KCNN2: variants seen among roughly 807,000 people sequenced by gnomAD.
KCNN2 encodes small conductance calcium-activated potassium channel protein 2.
Under a neutral mutation model 55.5 loss-of-function variants are expected in KCNN2, and 24 were observed. The observed-to-expected ratio is 0.43, with a 90% CI of 0.31 to 0.61. The LOEUF (loss-of-function observed/expected upper bound fraction) is 0.61. KCNN2 is among the 20% of genes least tolerant of loss of function. The pLI, the probability that KCNN2 is intolerant of heterozygous loss-of-function variation, is 0.08. For missense variants in KCNN2, 754 were observed against 853.6 expected, an observed-to-expected ratio of 0.88 and a Z score of 1.45; for synonymous variants, 431 against 336.1, an observed-to-expected ratio of 1.28 and a Z score of -3.09.
intron 3 of KCNN2, among the ~76,000 whole-genome samples, chr5:114,417,270 C>T (rs1418452136): frequency 6.6e-6 from 1 of 152,290 alleles, no homozygotes; most frequent in East Asian, 1.9e-4. Context: ...CTTAGAATTT[C>T]TGGCTTACTA....
At chr5:114,387,104 C>T (rs1204638465) in intron 2 of KCNN2, among the ~76,000 whole-genome samples, 1 of 152,024 alleles carries the variant, frequency 6.6e-6, no homozygotes, top group Non-Finnish European at 1.5e-5. Flanking sequence ...TTTCTTTAAT[C>T]AAGATACAGC....
intron 1 of KCNN2, among the ~76,000 whole-genome samples, chr5:114,200,430 T>C (rs955795957): frequency 2.6e-5 from 4 of 152,114 alleles, no homozygotes; most frequent in Non-Finnish European, 2.9e-5. Context: ...ATTTTCCTAA[T>C]TTCTTTATAT....
intron 1 of KCNN2, among the ~76,000 whole-genome samples, chr5:114,146,417 G>A (rs1337338881): frequency 1.3e-5 from 2 of 152,108 alleles, no homozygotes; most frequent in Non-Finnish European, 2.9e-5. Context: ...ATTTTTAAAA[G>A]CTTTACTGCA....
intron 1 of KCNN2, among the ~76,000 whole-genome samples, chr5:114,187,956 A>G (rs1753373683): frequency 6.6e-6 from 1 of 151,924 alleles, no homozygotes; most frequent in Non-Finnish European, 1.5e-5. Flanking sequence ...CTGGGATTAC[A>G]GGTACTCACC....
At chr5:114,240,729 C>T (rs1466014646) in intron 2 of KCNN2, among the ~76,000 whole-genome samples, 1 of 152,062 alleles carries the variant, frequency 6.6e-6, no homozygotes, top group African/African-American at 2.4e-5. Context: ...TGTGCCCGGC[C>T]TCAAATTATT....
chr5:114,064,420 A>ATCTCCCCCCACTTTGAATCTC (rs1750396846), intron 1 of KCNN2, among the ~76,000 whole-genome samples: 7 of 152,186 alleles, frequency 4.6e-5, no homozygotes, highest in Admixed American at 4.6e-4. Flanking sequence ...TAGAGGGAGA[A>ATCTCCCCCCACTTTGAATCTC]CCATTCAAAG....
chr5:114,412,310 A>G (rs1206739570), intron 3 of KCNN2, among the ~76,000 whole-genome samples: 2 of 152,232 alleles, frequency 1.3e-5, no homozygotes, highest in Admixed American at 1.3e-4. Flanking sequence ...TAGTAAATTA[A>G]TTTAGCATTG....
At chr5:114,142,757 G>C (rs1353057593) in intron 1 of KCNN2, among the ~76,000 whole-genome samples, 1 of 152,166 alleles carries the variant, frequency 6.6e-6, no homozygotes, top group Non-Finnish European at 1.5e-5. Flanking sequence ...TCATACATAG[G>C]AAGAATCAAT....
chr5:114,467,307 T>C (rs1761498857), intron 4 of KCNN2, among the ~76,000 whole-genome samples: 1 of 152,232 alleles, frequency 6.6e-6, no homozygotes, highest in Admixed American at 6.5e-5. Flanking sequence ...TCTGTTTCCA[T>C]TTGAGGATTT....
intron 1 of KCNN2, among the ~76,000 whole-genome samples, chr5:114,146,735 A>T (rs1752405234): frequency 6.6e-6 from 1 of 152,146 alleles, no homozygotes; most frequent in African/African-American, 2.4e-5. Flanking sequence ...AACTCAGAGA[A>T]TATTTATGTT....
intron 2 of KCNN2, among the ~76,000 whole-genome samples, chr5:114,234,076 T>A (rs1754422100): frequency 6.6e-6 from 1 of 152,150 alleles, no homozygotes. Flanking sequence ...TTTGATTTTT[T>A]CCTCACCTAG....
chr5:114,326,262 A>C (rs1756712221), intron 2 of KCNN2, among the ~76,000 whole-genome samples: 2 of 152,114 alleles, frequency 1.3e-5, no homozygotes, highest in Admixed American at 6.6e-5. Flanking sequence ...TAGCGGGTAC[A>C]TTTTCACAGA....
At chr5:114,216,813 A>C (rs1032120267) in intron 1 of KCNN2, among the ~76,000 whole-genome samples, 22 of 152,118 alleles carry the variant, frequency 1.4e-4, no homozygotes, top group African/African-American at 5.3e-4. Context: ...GAGATTGAGA[A>C]GACAGAAATA....
At chr5:114,443,126 G>T (rs1580841341) in intron 3 of KCNN2, among the ~76,000 whole-genome samples, 1 of 151,748 alleles carries the variant, frequency 6.6e-6, no homozygotes. Context: ...CCCTGTCTTT[G>T]CTAAAAATAC....
chr5:114,495,212 G>A (rs1277743407), intron 7 of KCNN2, among the ~76,000 whole-genome samples: 2 of 152,198 alleles, frequency 1.3e-5, no homozygotes, highest in Non-Finnish European at 2.9e-5. Context: ...CAGGAGGTCA[G>A]AGCCATGGCC....
intron 3 of KCNN2, among the ~76,000 whole-genome samples, chr5:114,460,079 G>T (rs1761123041): frequency 6.6e-6 from 1 of 152,160 alleles, no homozygotes; most frequent in African/African-American, 2.4e-5. Flanking sequence ...CAGGAGATTA[G>T]AAAGACCTTC....
chr5:114,318,553 TAAC>T (rs1279712881), intron 2 of KCNN2, among the ~76,000 whole-genome samples: 1 of 151,616 alleles, frequency 6.6e-6, no homozygotes, highest in Admixed American at 6.6e-5. Context: ...ACACTTATCA[TAAC>T]AATGATAATA....
chr5:114,408,925 T>G (rs1759031601), intron 3 of KCNN2, among the ~76,000 whole-genome samples: 1 of 152,194 alleles, frequency 6.6e-6, no homozygotes, highest in South Asian at 2.1e-4. Context: ...TGTTTTCATG[T>G]AAAGAGGCAA....
chr5:114,339,229 A>G (rs257465), intron 2 of KCNN2, among the ~76,000 whole-genome samples: 62,747 of 152,068 alleles, frequency 0.41, 13,720 homozygotes, highest in East Asian at 0.84. Flanking sequence ...CTCTACTACC[A>G]TGTTCGTGAA....
Sources: gnomAD v4.1 joint callset for allele counts (sites outside exome capture counted in the v4.1 genomes callset) on GRCh38, gnomAD v4.1.1 for gene constraint, MANE v1.5 for transcripts, NCBI Gene and HGNC (gene_info 2026-07-23, HGNC 2026-07-21) for gene names.